The following MMD variants were observed in gnomAD, a reference collection of about 807,000 sequenced individuals.
MMD encodes monocyte to macrophage differentiation associated.
Under a neutral mutation model 33.6 loss-of-function variants are expected in MMD, and 22 were observed. The observed-to-expected ratio is 0.66, with a 90% CI of 0.47 to 0.94. The LOEUF is 0.94. MMD is among the 40% of genes least tolerant of loss of function. MMD has a pLI of 0.00. For synonymous variants in MMD, 97 were observed against 103.2 expected, an observed-to-expected ratio of 0.94 and a Z score of 0.36; for missense variants, 242 against 309.8, an observed-to-expected ratio of 0.78 and a Z score of 1.64.
chr17:55,413,726 C>A (rs904506533), intron 2 of MMD, among the ~76,000 whole-genome samples: 1 of 152,112 alleles, frequency 6.6e-6, no homozygotes, highest in Admixed American at 6.5e-5. Context: ...TGGCTCCCCT[C>A]CCCATTTCAG....
chr17:55,407,113 G>C (rs2143139541), intron 4 of MMD, among the ~76,000 whole-genome samples: 1 of 152,072 alleles, frequency 6.6e-6, no homozygotes, highest in Middle Eastern at 3.4e-3. Context: ...CAGATCACTT[G>C]AGGTCAGGAG....
intron 4 of MMD, among the ~76,000 whole-genome samples, chr17:55,405,278 G>T (rs1907498307): frequency 6.6e-6 from 1 of 151,640 alleles, no homozygotes; most frequent in South Asian, 2.1e-4. Context: ...GCTGACGCAG[G>T]AGAATCTCTT....
At chr17:55,416,051 G>T (rs1907957855) in intron 1 of MMD, among the ~76,000 whole-genome samples, 1 of 152,174 alleles carries the variant, frequency 6.6e-6, no homozygotes, top group Non-Finnish European at 1.5e-5. Flanking sequence ...AGAATTGGAG[G>T]ATATACCACA....
intron 1 of MMD, among the ~76,000 whole-genome samples, chr17:55,415,130 T>C (rs971602375): frequency 6.6e-6 from 1 of 151,968 alleles, no homozygotes; most frequent in Non-Finnish European, 1.5e-5. Context: ...GAGGATGCCC[T>C]CCCCACCAAA....
At chr17:55,408,195 C>G (rs896171733) in intron 3 of MMD, among the ~76,000 whole-genome samples, 1 of 152,174 alleles carries the variant, frequency 6.6e-6, no homozygotes. Context: ...AGACCACCTC[C>G]CCGCAACCTG....
chr17:55,408,634 T>TA (rs1241207337), intron 3 of MMD, among the ~76,000 whole-genome samples: 1 of 152,200 alleles, frequency 6.6e-6, no homozygotes, highest in African/African-American at 2.4e-5. Flanking sequence ...ACGCTAGTAT[T>TA]AGACTTTCCT....
At chr17:55,397,750 C>T (rs895325900) in intron 6 of MMD, among the ~76,000 whole-genome samples, 3 of 151,976 alleles carry the variant, frequency 2.0e-5, no homozygotes, top group South Asian at 2.1e-4. Context: ...CCATGTTGGC[C>T]AGGCTGGTCT....
At chr17:55,401,796 G>A (rs1044815730) in intron 5 of MMD, among the ~76,000 whole-genome samples, 7 of 152,140 alleles carry the variant, frequency 4.6e-5, no homozygotes, top group Admixed American at 2.6e-4. Flanking sequence ...TCTGCCGGCC[G>A]GGCACGGTGG....
Position 55,414,138 on chromosome 17 carries a change from A to AACTTGTACTCACTGCGTGTG in MMD, c.101_108+12dup. The AACTTGTACTCACTGCGTGTG allele has an allele frequency of 6.2e-7, 1 of 1,613,396 alleles. No homozygotes were observed. Among genetic ancestry groups the AACTTGTACTCACTGCGTGTG allele is most frequent in the Non-Finnish European group, 8.5e-7 (1 of 1,179,422 alleles). On this transcript the variant is annotated intron_variant, in intron 2 of 6. Coordinates refer to ENST00000262065, the MANE Select transcript of MMD (RefSeq NM_012329.3). ...CGTGGAAAGGATGGCAATGGTGGAA[A>AACTTGTACTCACTGCGTGTG]ACTTGTACTCACTGCGTGTGTGTAA... is the stretch of plus-strand genomic sequence containing the variant.
intron 6 of MMD, among the ~76,000 whole-genome samples, chr17:55,399,794 G>A (rs528606985): frequency 1.3e-5 from 2 of 152,332 alleles, no homozygotes; most frequent in Admixed American, 6.5e-5. Context: ...TGAAGGCAGT[G>A]TGGGGGATCA....
intron 1 of MMD, among the ~76,000 whole-genome samples, chr17:55,416,179 G>A (rs1907962012): frequency 6.6e-6 from 1 of 152,214 alleles, no homozygotes; most frequent in Non-Finnish European, 1.5e-5. Context: ...TGTGCTCTGT[G>A]TAGGGTGCAG....
chr17:55,394,646 G>C, intron 6 of MMD, 112 bp from the exon 7 acceptor site: 1 of 888,568 alleles, frequency 1.1e-6, no homozygotes, highest in Middle Eastern at 2.9e-4. Context: ...TGAAGAAGCT[G>C]TGTGAACACA....
intron 2 of MMD, among the ~76,000 whole-genome samples, chr17:55,412,116 T>C (rs953273994): frequency 1.3e-5 from 2 of 152,088 alleles, no homozygotes; most frequent in African/African-American, 2.4e-5. Context: ...TTCAGGGAGG[T>C]CCTCATTTTA....
intron 2 of MMD, among the ~76,000 whole-genome samples, chr17:55,413,890 T>TA (rs1258292251): frequency 6.6e-6 from 1 of 152,200 alleles, no homozygotes. Flanking sequence ...ATAACTAGGG[T>TA]ACATACTATT....
chr17:55,414,560 A>T (rs1598435211), intron 1 of MMD, among the ~76,000 whole-genome samples: 1 of 29,030 alleles, frequency 3.4e-5, no homozygotes, highest in South Asian at 6.7e-4. Flanking sequence ...CTCCATTCAC[A>T]CACACACACA....
intron 5 of MMD, 107 bp downstream of exon 5, chr17:55,403,660 G>A: frequency 1.4e-6 from 1 of 689,678 alleles, no homozygotes; most frequent in Non-Finnish European, 2.4e-6. Flanking sequence ...TTCTATATAT[G>A]TATTTCTACT....
rs1042992694 is a variant in MMD at position 55,393,989 on chromosome 17, T to C, written c.*345A>G. On this transcript the variant is annotated 3_prime_UTR_variant, in exon 7 of 7. Transcript: ENST00000262065. The stretch of plus-strand genomic sequence containing the variant: ...TCTTCTTAAAAAGGAAGGTTTGTTA[T>C]TGCACTGACTTTTACAACCTGACAT... 6.0e-6 allele frequency: 1 copy of C among 165,526 alleles called. No homozygotes were observed. Among genetic ancestry groups the C allele is most frequent in the Non-Finnish European group, 1.3e-5 (1 of 76,944 alleles). The allele number at this position is 165,526 out of a possible 1,614,324, so 10.3% of individuals were successfully genotyped here. A position where few individuals can be genotyped will look rare whatever the true frequency, so the allele number is the denominator to read the frequency against.
chr17:55,410,965 T>C (rs920532078), intron 3 of MMD, among the ~76,000 whole-genome samples: 1 of 152,208 alleles, frequency 6.6e-6, no homozygotes, highest in East Asian at 1.9e-4. Flanking sequence ...TGCTTGATAG[T>C]ACTGGAAAAT....
At chr17:55,414,055 T>G in intron 2 of MMD, 96 bp downstream of exon 2, 1 of 1,201,728 alleles carries the variant, frequency 8.3e-7, no homozygotes, top group South Asian at 1.2e-5. Context: ...GATGGGTAAA[T>G]CCAACTAATT....
Sources: allele counts gnomAD v4.1 joint callset (sites outside exome capture counted in the v4.1 genomes callset), GRCh38; gene constraint gnomAD v4.1.1; transcripts MANE v1.5; gene names NCBI Gene and HGNC (gene_info 2026-07-23, HGNC 2026-07-21).